SPRY3: variants seen among roughly 807,000 people sequenced by gnomAD.
The protein encoded by SPRY3 is protein sprouty homolog 3.
In SPRY3, 15 loss-of-function variants were observed where a neutral mutation model predicts 20.2. The ratio of observed to expected loss-of-function variants is 0.74; its 90% CI spans 0.50 to 1.14. The LOEUF (loss-of-function observed/expected upper bound fraction) is 1.14, where lower values mean the gene tolerates loss of function less well. SPRY3 is among the 50% of genes most tolerant of loss of function. SPRY3 has a pLI of 0.00. For missense variants in SPRY3, 364 were observed against 363.9 expected (o/e 1.00, Z 0.00); for synonymous variants, 143 against 136.5 (o/e 1.05, Z -0.33).
intron 1 of SPRY3, among the ~76,000 whole-genome samples, chrX:155,622,194 A>G (rs907376520): frequency 8.9e-6 from 1 of 112,386 alleles, no homozygotes; most frequent in South Asian, 3.6e-4. Flanking sequence ...TGCAAAGTAT[A>G]GTAACTTTCA....
chrX:155,780,774 C>T (rs1231038071), downstream of SPRY3: 4 of 166,404 alleles, frequency 2.4e-5, no homozygotes, highest in Non-Finnish European at 4.4e-5. Flanking sequence ...GAGGAGAAGG[C>T]CCCAGGCCTT....
intron 2 of SPRY3, among the ~76,000 whole-genome samples, chrX:155,707,929 G>A (rs2090962196): frequency 6.6e-6 from 1 of 151,130 alleles, no homozygotes; most frequent in Non-Finnish European, 1.5e-5. Context: ...ATAAAGATAT[G>A]ATTAGATTTA....
intron 2 of SPRY3, among the ~76,000 whole-genome samples, chrX:155,659,184 G>A (rs781880675): frequency 1.8e-3 from 176 of 100,507 alleles, no homozygotes; most frequent in Non-Finnish European, 3.0e-3. Context: ...TCGCTCTGTC[G>A]CCCAGGCTGA....
At chrX:155,736,845 T>G (rs2091173397) in intron 2 of SPRY3, among the ~76,000 whole-genome samples, 1 of 152,100 alleles carries the variant, frequency 6.6e-6, no homozygotes, top group Non-Finnish European at 1.5e-5. Context: ...TCACATCTTC[T>G]GTAGTTGTCA....
intron 2 of SPRY3, among the ~76,000 whole-genome samples, chrX:155,713,112 C>T (rs749921794): frequency 1.1e-3 from 167 of 151,646 alleles, no homozygotes; most frequent in African/African-American, 3.9e-3. Context: ...TTTAATTTTA[C>T]TTTAAGTTCT....
At chrX:155,762,492 T>A (rs1457410082) in intron 2 of SPRY3, among the ~76,000 whole-genome samples, 1 of 151,644 alleles carries the variant, frequency 6.6e-6, no homozygotes, top group Non-Finnish European at 1.5e-5. Context: ...GCAGAAACAA[T>A]AATACCTGAT....
chrX:155,721,150 C>T (rs2124553038), intron 2 of SPRY3, among the ~76,000 whole-genome samples: 1 of 152,196 alleles, frequency 6.6e-6, no homozygotes, highest in African/African-American at 2.4e-5. Context: ...AGTAGGCATA[C>T]TGAAGAATGT....
At chrX:155,700,638 TAC>T (rs2068134352) in intron 2 of SPRY3, among the ~76,000 whole-genome samples, 41 of 80,496 alleles carry the variant, frequency 5.1e-4, no homozygotes, top group African/African-American at 1.3e-3. Flanking sequence ...TTTTTTATTA[TAC>T]TCTAAGTTTT....
At chrX:155,627,169 G>T (rs897157013) in intron 1 of SPRY3, among the ~76,000 whole-genome samples, 1 of 111,404 alleles carries the variant, frequency 9.0e-6, no homozygotes, top group African/African-American at 3.3e-5. Context: ...CTGTACGATA[G>T]AACTTATTCC....
At chrX:155,732,668 G>A (rs1380122830) in intron 2 of SPRY3, among the ~76,000 whole-genome samples, 1 of 149,696 alleles carries the variant, frequency 6.7e-6, no homozygotes. Flanking sequence ...CAAAGGAAAA[G>A]AAATCAGTAT....
chrX:155,758,392 C>G (rs2091291514), intron 2 of SPRY3, among the ~76,000 whole-genome samples: 1 of 152,208 alleles, frequency 6.6e-6, no homozygotes. Context: ...CCCTCACACA[C>G]TTCCATTATT....
intron 2 of SPRY3, among the ~76,000 whole-genome samples, chrX:155,742,411 A>T (rs2091208142): frequency 6.6e-6 from 1 of 152,186 alleles, no homozygotes; most frequent in East Asian, 1.9e-4. Context: ...TTATCACTCC[A>T]CTGTCAATAT....
chrX:155,727,635 G>T (rs1408178521), intron 2 of SPRY3, among the ~76,000 whole-genome samples: 10 of 151,946 alleles, frequency 6.6e-5, no homozygotes, highest in Admixed American at 6.6e-4. Flanking sequence ...TCGTGCCATG[G>T]TTTTCAGCTC....
intron 1 of SPRY3, among the ~76,000 whole-genome samples, chrX:155,649,119 A>G (rs1030603152): frequency 3.6e-5 from 4 of 111,906 alleles, no homozygotes; most frequent in African/African-American, 1.3e-4. Flanking sequence ...AAGTTGAGGC[A>G]TAATTAAATA....
downstream of SPRY3, chrX:155,779,183 T>C (rs1195727757): frequency 6.0e-6 from 1 of 167,070 alleles, no homozygotes. Flanking sequence ...TTTTGGGTAG[T>C]GCGTGATGGG....
intron 2 of SPRY3, among the ~76,000 whole-genome samples, chrX:155,706,933 A>C (rs2090955898): frequency 6.6e-6 from 1 of 150,964 alleles, no homozygotes; most frequent in African/African-American, 2.4e-5. Flanking sequence ...AAAAGAAACA[A>C]TTTATGGTTT....
At chrX:155,712,678 T>G (rs2090995166) in intron 2 of SPRY3, among the ~76,000 whole-genome samples, 1 of 152,038 alleles carries the variant, frequency 6.6e-6, no homozygotes. Context: ...CTATTTACAT[T>G]CAATGTCCTT....
At chrX:155,652,159 GC>G (rs1293137733) in intron 1 of SPRY3, among the ~76,000 whole-genome samples, 1 of 111,301 alleles carries the variant, frequency 9.0e-6, no homozygotes, top group African/African-American at 3.3e-5. Context: ...CTCCCACTAG[GC>G]CCCTCCTCCA....
chrX:155,770,759 C>T (rs748278920), intron 3 of SPRY3, among the ~76,000 whole-genome samples: 2 of 152,178 alleles, frequency 1.3e-5, no homozygotes, highest in Non-Finnish European at 2.9e-5. Context: ...TAAACATTCA[C>T]GTAGTGGTAC....
Sources: allele counts gnomAD v4.1 joint callset (sites outside exome capture counted in the v4.1 genomes callset), GRCh38; gene constraint gnomAD v4.1.1; transcripts MANE v1.5; gene names NCBI Gene and HGNC (gene_info 2026-07-23, HGNC 2026-07-21).